ZNF607: variants seen among roughly 807,000 people sequenced by gnomAD.
The protein encoded by ZNF607 is zinc finger protein 607.
In ZNF607, 5 loss-of-function variants were observed where a neutral mutation model predicts 12.8. That is an observed-to-expected ratio of 0.39 (90% CI 0.20 to 0.82). The LOEUF (loss-of-function observed/expected upper bound fraction) is 0.82, where lower values mean the gene tolerates loss of function less well. Ranked by LOEUF, ZNF607 falls within the 40% of genes least tolerant of loss-of-function variation. The pLI is 0.39. For synonymous variants in ZNF607, 287 were observed against 276.2 expected (o/e 1.04, Z -0.39); for missense variants, 851 against 859.2 (o/e 0.99, Z 0.12).
Position 37,697,382 on chromosome 19 carries a change from C to T in ZNF607, c.*658G>A. The T allele has an allele frequency of 6.6e-7, 1 of 1,514,482 alleles. No individual in the cohort carries two copies. Among genetic ancestry groups the T allele is most frequent in the South Asian group, 1.1e-5 (1 of 88,768 alleles). 93.8% of individuals were successfully genotyped at this position (1,514,482 alleles called of 1,614,324 possible). On this transcript the variant is annotated 3_prime_UTR_variant, in exon 5 of 5. Coordinates refer to ENST00000355202, the MANE Select transcript of ZNF607 (RefSeq NM_032689.5). ...AGGCCAGGCCAAACTTGCCGATGGA[C>T]TCAAACACTTTGGCAGCCATGTTTT...
intron 1 of ZNF607, among the ~76,000 whole-genome samples, chr19:37,716,656 A>G (rs1376403405): frequency 6.6e-6 from 1 of 152,164 alleles, no homozygotes; most frequent in Admixed American, 6.6e-5. Context: ...TATACACCCA[A>G]ATTTGTAAAG....
In ZNF607 at chr19:37,697,543, A is replaced by G; in HGVS notation, c.*497T>C. 1 of 522,790 alleles carries G rather than the reference A, an allele frequency of 1.9e-6. No homozygotes were observed. The highest frequency in any genetic ancestry group is 3.4e-5 in the East Asian group (1 of 29,082). 32.4% of individuals were successfully genotyped at this position (522,790 alleles called of 1,614,324 possible). On this transcript the variant is annotated 3_prime_UTR_variant, in exon 5 of 5. Transcript: ENST00000355202. Reference sequence around the variant, plus strand: ...CCAGAAGGGATAAATATCTTCCCCCATATCATCCCAGCTATAGGAAGCAGA... The same window carrying G: ...CCAGAAGGGATAAATATCTTCCCCCGTATCATCCCAGCTATAGGAAGCAGA...
Position 37,699,167 on chromosome 19 carries a change from A to G in ZNF607, c.964T>C (p.Tyr322His). Reference protein sequence around the residue: ...KECGKGFTCRYQLTMHQRIYS... With the variant: ...KECGKGFTCRHQLTMHQRIYS... ...ATTCTCTGATGCATGGTAAGTTGAT[A>G]CCTACATGTAAAGCCCTTCCCGCAT... Residue 322 changes from tyrosine (Y) to histidine (H), a missense_variant, in exon 5 of 5, where the codon TAT becomes CAT. Physicochemically the swap from Tyr to His is moderately conservative, Grantham distance 83. Coordinates refer to ENST00000355202, the MANE Select transcript of ZNF607 (RefSeq NM_032689.5). The G allele has an allele frequency of 6.2e-7, 1 of 1,614,084 alleles. No individual in the cohort carries two copies. The highest frequency in any genetic ancestry group is 8.5e-7 in the Non-Finnish European group (1 of 1,179,992).
rs2044984371 is a variant in ZNF607, at chr19:37,697,281, T to C, written c.*759A>G. ...CACAATGTTCTGTACTCCACGGAAT[T>C]GGTCAAAGATGGCAGCTCTGTGCCC... is the stretch of plus-strand genomic sequence containing the variant. On this transcript the variant is annotated 3_prime_UTR_variant, in exon 5 of 5. Coordinates refer to ENST00000355202, the MANE Select transcript of ZNF607 (RefSeq NM_032689.5). 1 of 836,428 alleles carries C rather than the reference T, an allele frequency of 1.2e-6. No homozygotes were observed. Among genetic ancestry groups the C allele is most frequent in the South Asian group, 1.3e-5 (1 of 75,018 alleles). 51.8% of individuals were successfully genotyped at this position (836,428 alleles called of 1,614,324 possible).
At chr19:37,705,130 T>C (rs2045070494) in intron 4 of ZNF607, among the ~76,000 whole-genome samples, 2 of 151,968 alleles carry the variant, frequency 1.3e-5, no homozygotes, top group African/African-American at 4.8e-5. Flanking sequence ...AGCCGATTAT[T>C]TGAAAGATCA....
rs1379539634 is a variant in ZNF607 at position 37,697,516 on chromosome 19, C to T, written c.*524G>A. ...ACTACTATCATCATTTATATATGAT[C>T]CCCAGAAGGGATAAATATCTTCCCC... On this transcript the variant is annotated 3_prime_UTR_variant, in exon 5 of 5. Transcript: ENST00000355202. 1 of 569,552 alleles carries T rather than the reference C, an allele frequency of 1.8e-6. No homozygotes were observed. Among genetic ancestry groups the T allele is most frequent in the South Asian group, 1.8e-5 (1 of 54,462 alleles). 35.3% of individuals were successfully genotyped at this position (569,552 alleles called of 1,614,324 possible).
chr19:37,718,474 A>C (rs116446395), intron 1 of ZNF607, among the ~76,000 whole-genome samples: 1 of 152,286 alleles, frequency 6.6e-6, no homozygotes, highest in African/African-American at 2.4e-5. Context: ...GTCAGAATTC[A>C]AGGCCGTGTT....
chr19:37,717,248 C>A (rs1465976610), intron 1 of ZNF607, among the ~76,000 whole-genome samples: 1 of 152,132 alleles, frequency 6.6e-6, no homozygotes, highest in African/African-American at 2.4e-5. Context: ...TGCAGTGGCT[C>A]GATCTCGGCT....
intron 3 of ZNF607, 88 bp downstream of exon 3, chr19:37,709,608 G>T (rs1186573336): frequency 4.1e-6 from 6 of 1,449,150 alleles, no homozygotes; most frequent in African/African-American, 1.4e-5. Context: ...TTAAAAGGCA[G>T]CCCTGAAAAC....
rs1011305872 is a variant in ZNF607 at position 37,719,671 on chromosome 19, A to T, written c.-477T>A. On this transcript the variant is annotated 5_prime_UTR_variant, in exon 1 of 5. Transcript: ENST00000355202. ...GGTACCGGTGAGAAATGGAGTCCAGAATCCTAAAAACCTACGAGAAATACG... is the reference window on the plus strand; with the variant it reads ...GGTACCGGTGAGAAATGGAGTCCAGTATCCTAAAAACCTACGAGAAATACG... 6.6e-6 allele frequency: 1 copy of T among 152,338 alleles called. No individual in the cohort carries two copies. The highest frequency in any genetic ancestry group is 2.4e-5 in the African/African-American group (1 of 41,462). 9.4% of individuals were successfully genotyped at this position (152,338 alleles called of 1,614,324 possible).
intron 4 of ZNF607, among the ~76,000 whole-genome samples, chr19:37,702,445 AAG>A (rs1229371152): frequency 6.6e-6 from 1 of 152,184 alleles, no homozygotes; most frequent in Admixed American, 6.5e-5. Context: ...AATTTAGTGA[AAG>A]AAATAAATTT....
chr19:37,708,139 TA>T (rs1202737681), intron 3 of ZNF607, 127 bp from the exon 4 acceptor site: 1 of 654,034 alleles, frequency 1.5e-6, no homozygotes, highest in Admixed American at 3.4e-5. Context: ...GTGAGGGAAA[TA>T]AAGAAAAAGA....
chr19:37,699,396 A>C lies in ZNF607; in HGVS notation c.735T>G (p.Ser245Arg). 1 of 1,613,914 alleles carries C rather than the reference A, an allele frequency of 6.2e-7. No individual in the cohort carries two copies. Among genetic ancestry groups the C allele is most frequent in the South Asian group, 1.1e-5 (1 of 91,068 alleles). ...CAAAGGGCTTCTCACCAGTGTGAAT[A>C]CTCTGATGTCGACTAAGTCGTCCAT... ...SVYGRLSRHQ[S>R]IHTGEKPFEC... is the part of the protein sequence containing the mutation. Residue 245 changes from serine to arginine, a missense_variant, in exon 5 of 5, where the codon AGT becomes AGG. Ser to Arg is a moderately radical substitution (Grantham distance 110). Transcript: ENST00000355202.
intron 4 of ZNF607, among the ~76,000 whole-genome samples, chr19:37,705,034 CAAG>C (rs1397313321): frequency 6.6e-6 from 1 of 151,474 alleles, no homozygotes; most frequent in Non-Finnish European, 1.5e-5. Flanking sequence ...AAACCCAAAG[CAAG>C]AAGAATAAAA....
Position 37,699,810 on chromosome 19 carries a change from A to G in ZNF607, c.321T>C (p.Ile107=). ...ACTCATATGGTTTCTGTCCATTATG[A>G]ATTCTCTGATGGAGAGTAACACATG... ...KHSCVTLHQR[I]HNGQKPYECK... is the part of the protein sequence containing the mutation. Residue 107 remains isoleucine, a synonymous_variant, in exon 5 of 5, where the codon ATT becomes ATC. Coordinates refer to ENST00000355202, the MANE Select transcript of ZNF607 (RefSeq NM_032689.5). 6.2e-7 allele frequency: 1 copy of G among 1,613,934 alleles called. No homozygotes were observed. Among genetic ancestry groups the G allele is most frequent in the Non-Finnish European group, 8.5e-7 (1 of 1,179,926 alleles).
chr19:37,698,709 C>A lies in ZNF607; in HGVS notation c.1422G>T (p.Glu474Asp). The change falls in exon 5 of 5, where the codon GAG becomes GAT. Residue 474 changes from glutamate to aspartate, a missense_variant. Coordinates refer to ENST00000355202, the MANE Select transcript of ZNF607 (RefSeq NM_032689.5). ...CACACTCTTGACATACATAGGGTTTCTCTCCTGTATGAATTCTCTCATGTA... is the reference window on the plus strand; with the variant it reads ...CACACTCTTGACATACATAGGGTTTATCTCCTGTATGAATTCTCTCATGTA... ...LVIHERIHTG[E>D]KPYVCQECGK... 2 of 1,613,230 alleles carry A rather than the reference C, an allele frequency of 1.2e-6. No individual in the cohort carries two copies. Among genetic ancestry groups the A allele is most frequent in the African/African-American group, 1.3e-5 (1 of 74,930 alleles).
At chr19:37,716,570 A>C (rs2045178041) in intron 1 of ZNF607, among the ~76,000 whole-genome samples, 1 of 152,188 alleles carries the variant, frequency 6.6e-6, no homozygotes, top group Non-Finnish European at 1.5e-5. Context: ...TAAAAGTAGG[A>C]GTCTGTCTAT....
chr19:37,699,661 A>C lies in ZNF607; in HGVS notation c.470T>G (p.Leu157Arg), dbSNP rs1410197472. The C allele has an allele frequency of 6.2e-7, 1 of 1,614,072 alleles. No homozygotes were observed. The highest frequency in any genetic ancestry group is 8.5e-7 in the Non-Finnish European group (1 of 1,179,978). Residue 157 changes from leucine (L) to arginine (R), a missense_variant, in exon 5 of 5, where the codon CTT (leucine) becomes CGT (arginine). Leu to Arg is a moderately radical substitution (Grantham distance 102). Coordinates refer to ENST00000355202, the MANE Select transcript of ZNF607 (RefSeq NM_032689.5). ...FRKAFSHLTD[L>R]RKHQKINARE... ...AGCATTAATTTTCTGATGCTTTCTAAGGTCTGTAAGATGGCTAAATGCCTT... is the reference window on the plus strand; with the variant it reads ...AGCATTAATTTTCTGATGCTTTCTACGGTCTGTAAGATGGCTAAATGCCTT...
intron 4 of ZNF607, among the ~76,000 whole-genome samples, chr19:37,700,436 G>A (rs997072731): frequency 2.0e-5 from 3 of 152,070 alleles, no homozygotes; most frequent in African/African-American, 4.8e-5. Context: ...GAGAAAAGTA[G>A]GATACACGGT....
Sources: gnomAD v4.1 joint callset for allele counts (sites outside exome capture counted in the v4.1 genomes callset) on GRCh38, gnomAD v4.1.1 for gene constraint, MANE v1.5 for transcripts, NCBI Gene and HGNC (gene_info 2026-07-23, HGNC 2026-07-21) for gene names.